The following SLC24A3 variants were observed in gnomAD, a reference collection of about 807,000 sequenced individuals.
SLC24A3 encodes the protein sodium/potassium/calcium exchanger 3.
SLC24A3 carries 28 observed loss-of-function variants against 75.8 expected under a neutral mutation model. That is an observed-to-expected ratio of 0.37 (90% CI 0.27 to 0.51). The LOEUF is 0.51. Ranked by LOEUF, SLC24A3 falls within the 20% of genes least tolerant of loss-of-function variation. The pLI is 0.94. For missense variants in SLC24A3, 663 were observed against 847.8 expected, an observed-to-expected ratio of 0.78 and a Z score of 2.71; for synonymous variants, 372 against 334.1, an observed-to-expected ratio of 1.11 and a Z score of -1.24.
chr20:19,369,058 A>G (rs1022247156), intron 2 of SLC24A3, among the ~76,000 whole-genome samples: 1 of 152,248 alleles, frequency 6.6e-6, no homozygotes, highest in African/African-American at 2.4e-5. Flanking sequence ...AATTGTTTCA[A>G]GCAAAAATTC....
intron 2 of SLC24A3, among the ~76,000 whole-genome samples, chr20:19,300,521 CAAG>C (rs1349278079): frequency 6.6e-6 from 1 of 152,196 alleles, no homozygotes; most frequent in African/African-American, 2.4e-5. Flanking sequence ...GACGTAATGA[CAAG>C]AAAAGAATGC....
rs943805000 is a variant in SLC24A3 at position 19,324,392 on chromosome 20, G to A, written c.271+43305G>A. Among the ~76,000 whole-genome samples, 10 of 152,190 alleles carry A rather than the reference G, an allele frequency of 6.6e-5. 1 individual carries two copies. The highest frequency in any genetic ancestry group is 2.4e-4 in the African/African-American group (10 of 41,448). ...GAGATTGGGTTACACAGATACTATCGTGTCTAAATTATACATCCTGTGGCA... is the reference window on the plus strand; with the variant it reads ...GAGATTGGGTTACACAGATACTATCATGTCTAAATTATACATCCTGTGGCA... On this transcript the variant is annotated intron_variant, in intron 2 of 16. Coordinates refer to ENST00000328041, the MANE Select transcript of SLC24A3 (RefSeq NM_020689.4).
intron 15 of SLC24A3, among the ~76,000 whole-genome samples, chr20:19,702,137 A>G (rs2032881941): frequency 6.6e-6 from 1 of 152,208 alleles, no homozygotes; most frequent in Non-Finnish European, 1.5e-5. Context: ...TCGATTCAGC[A>G]CACCATAAAT....
rs577372577 is a variant in SLC24A3, at chr20:19,215,104, A to G, written c.142+2120A>G. ...TTTGCAGCAAGACACAGGTTTTTCT[A>G]GATAATTTTTAACATATTAATTAAT... On this transcript the variant is annotated intron_variant, in intron 1 of 16. Coordinates refer to ENST00000328041, the MANE Select transcript of SLC24A3 (RefSeq NM_020689.4). Among the ~76,000 whole-genome samples the G allele has an allele frequency of 2.0e-5, 3 of 152,300 alleles. No homozygotes were observed. In the South Asian group the frequency reaches 6.2e-4, roughly 32 times the overall value.
rs78720840 is a variant in SLC24A3, at chr20:19,590,744, G to A, written c.612+5200G>A. On this transcript the variant is annotated intron_variant, in intron 6 of 16. Transcript: ENST00000328041. ...CACCCAGTAAAACTGGGTTTCTCCC[G>A]GCATCTTCTGCAGGCTGTGGCATCA... Among the ~76,000 whole-genome samples, 45 of 152,264 alleles carry A rather than the reference G, an allele frequency of 3.0e-4. No homozygotes were observed. The East Asian group carries it at 5.0e-3, about 17-fold the overall frequency.
At chr20:19,306,483 A>G (rs889299491) in intron 2 of SLC24A3, among the ~76,000 whole-genome samples, 1 of 152,234 alleles carries the variant, frequency 6.6e-6, no homozygotes, top group Non-Finnish European at 1.5e-5. Flanking sequence ...GGATAAAGAA[A>G]TTGTGATACA....
chr20:19,720,139 C>G (rs979382724), intron 16 of SLC24A3, among the ~76,000 whole-genome samples: 1 of 152,216 alleles, frequency 6.6e-6, no homozygotes, highest in Admixed American at 6.5e-5. Context: ...AGTGAAATGG[C>G]CTACACCTGG....
intron 6 of SLC24A3, among the ~76,000 whole-genome samples, chr20:19,618,070 G>A (rs1035254113): frequency 5.9e-5 from 9 of 151,314 alleles, no homozygotes; most frequent in Admixed American, 1.3e-4. Context: ...CTGGAAATTC[G>A]CAGGAAAGGA....
At chr20:19,692,457 G>T (rs768574620) in intron 12 of SLC24A3, among the ~76,000 whole-genome samples, 3 of 152,178 alleles carry the variant, frequency 2.0e-5, no homozygotes, top group Non-Finnish European at 4.4e-5. Context: ...AAAAGGAATG[G>T]ATCACGCAAC....
chr20:19,324,004 T>C (rs1305954804), intron 2 of SLC24A3, among the ~76,000 whole-genome samples: 1 of 152,138 alleles, frequency 6.6e-6, no homozygotes, highest in Admixed American at 6.5e-5. Context: ...CGTTGATTGG[T>C]ACATGAGATC....
At chr20:19,522,345 AG>A (rs1412356595) in intron 3 of SLC24A3, among the ~76,000 whole-genome samples, 2 of 152,192 alleles carry the variant, frequency 1.3e-5, no homozygotes, top group Non-Finnish European at 2.9e-5. Flanking sequence ...CCAAACAAGC[AG>A]GATGTATAGA....
intron 1 of SLC24A3, among the ~76,000 whole-genome samples, chr20:19,278,415 A>G (rs1387966318): frequency 6.6e-6 from 1 of 152,134 alleles, no homozygotes; most frequent in Non-Finnish European, 1.5e-5. Context: ...CCTTCTCACA[A>G]ATCCTTCTCT....
intron 6 of SLC24A3, among the ~76,000 whole-genome samples, chr20:19,653,778 G>C (rs943055824): frequency 6.6e-6 from 1 of 152,152 alleles, no homozygotes; most frequent in Admixed American, 6.5e-5. Flanking sequence ...GGTCAGACCC[G>C]CATCACAGTT....
At chr20:19,556,358 C>T (rs2030783854) in intron 3 of SLC24A3, among the ~76,000 whole-genome samples, 1 of 152,040 alleles carries the variant, frequency 6.6e-6, no homozygotes, top group Non-Finnish European at 1.5e-5. Flanking sequence ...GAAAATCAGT[C>T]ATGGTGTTAA....
chr20:19,514,143 G>A (rs1256047007), intron 2 of SLC24A3, among the ~76,000 whole-genome samples: 8 of 152,186 alleles, frequency 5.3e-5, no homozygotes, highest in East Asian at 1.9e-4. Flanking sequence ...AGCAGTGACC[G>A]ATGGCTTGTG....
intron 1 of SLC24A3, among the ~76,000 whole-genome samples, chr20:19,264,611 C>T (rs1169538679): frequency 6.6e-6 from 1 of 151,790 alleles, no homozygotes; most frequent in African/African-American, 2.4e-5. Flanking sequence ...CACCTGTAGT[C>T]CCAGCTACTC....
At position 19,275,950 on chromosome 20, in the gene SLC24A3, C is replaced by A. The variant is rs186459924; in HGVS notation, c.143-5009C>A. Among the ~76,000 whole-genome samples the A allele has an allele frequency of 3.5e-3, 528 of 152,312 alleles. 3 individuals are homozygous for A. Among genetic ancestry groups the A allele is most frequent in the African/African-American group, 0.012 (513 of 41,570 alleles). On this transcript the variant is annotated intron_variant, in intron 1 of 16. Transcript: ENST00000328041. ...CCTGACTAATTAGGCCAACATGCAA[C>A]TTCCAGGGCCTGGCAGATGAGGAGC...
intron 1 of SLC24A3, among the ~76,000 whole-genome samples, chr20:19,228,290 T>C (rs1044642959): frequency 6.6e-6 from 1 of 152,162 alleles, no homozygotes; most frequent in Non-Finnish European, 1.5e-5. Flanking sequence ...TTAGTGACAC[T>C]GGTTACTTTT....
chr20:19,462,392 G>A (rs1396318543), intron 2 of SLC24A3, among the ~76,000 whole-genome samples: 1 of 152,082 alleles, frequency 6.6e-6, no homozygotes, highest in Non-Finnish European at 1.5e-5. Context: ...CCCTAGTAGG[G>A]ACTACGGGCG....
Sources: gnomAD v4.1 joint callset for allele counts (sites outside exome capture counted in the v4.1 genomes callset) on GRCh38, gnomAD v4.1.1 for gene constraint, MANE v1.5 for transcripts, NCBI Gene and HGNC (gene_info 2026-07-23, HGNC 2026-07-21) for gene names.